Variants in TMEM143 observed in about 807,000 individuals in gnomAD.
TMEM143 encodes transmembrane protein 143.
Under a neutral mutation model 40.3 loss-of-function variants are expected in TMEM143, and 45 were observed. The ratio of observed to expected loss-of-function variants is 1.12; its 90% CI spans 0.88 to 1.43. The LOEUF is 1.43. Ranked by LOEUF, TMEM143 falls within the 40% of genes most tolerant of loss-of-function variation. The pLI is 0.00. For synonymous variants in TMEM143, 299 were observed against 282.7 expected (o/e 1.06, Z -0.58); for missense variants, 620 against 613.4 (o/e 1.01, Z -0.11).
At position 48,333,171 on chromosome 19, in the gene TMEM143, C is replaced by G. The variant is rs750038475; in HGVS notation, c.*48G>C. ...AATTGACAGCCTGTCGTGAAGGAGG[C>G]GGGGCTTAGTTCCTAGCCTGCTGAC... On this transcript the variant is annotated 3_prime_UTR_variant, in exon 8 of 8. Transcript: ENST00000293261. This position sits in a 1 kb window ranked among gnomAD's most constrained non-coding sequence, Gnocchi z 4.1. 1 of 1,337,926 alleles carries G rather than the reference C, an allele frequency of 7.5e-7. No individual in the cohort carries two copies. Among genetic ancestry groups the G allele is most frequent in the Non-Finnish European group, 9.9e-7 (1 of 1,010,790 alleles). 82.9% of individuals were successfully genotyped at this position (1,337,926 alleles called of 1,614,324 possible).
intron 6 of TMEM143, among the ~76,000 whole-genome samples, chr19:48,339,030 C>T (rs1427432099): frequency 2.6e-5 from 4 of 152,158 alleles, no homozygotes; most frequent in East Asian, 3.9e-4. Flanking sequence ...GGCGCAGATT[C>T]GAGGGGAAGG....
chr19:48,335,421 T>A (rs1439968771), intron 6 of TMEM143, among the ~76,000 whole-genome samples: 6 of 151,894 alleles, frequency 4.0e-5, no homozygotes, highest in Non-Finnish European at 5.9e-5. Context: ...CTACAAAAAA[T>A]TAAAATTAAA....
chr19:48,341,940 C>T (rs1969495918), intron 6 of TMEM143, among the ~76,000 whole-genome samples: 1 of 151,886 alleles, frequency 6.6e-6, no homozygotes, highest in Non-Finnish European at 1.5e-5. Context: ...CAAGGCAGAT[C>T]TCGCTATCAT....
At chr19:48,356,113 C>T (rs1405507653) in intron 3 of TMEM143, among the ~76,000 whole-genome samples, 1 of 150,222 alleles carries the variant, frequency 6.7e-6, no homozygotes, top group African/African-American at 2.5e-5. Context: ...TGCCTTTTTC[C>T]TTTTTTTTTC....
Position 48,344,947 on chromosome 19 carries a change from A to G in TMEM143, c.564+213T>C, listed in dbSNP as rs567378413. On this transcript the variant is annotated intron_variant, in intron 4 of 7. Transcript: ENST00000293261. ...GGTCTTGAACTCTTGACCTCAGGTG[A>G]TCCACCCACCTTGGACCCCCAAACT... Among the ~76,000 whole-genome samples the G allele has an allele frequency of 5.3e-5, 8 of 152,276 alleles. No homozygotes were observed. In the East Asian group the frequency reaches 1.5e-3, roughly 29 times the overall value.
At position 48,356,893 on chromosome 19, in the gene TMEM143, C is replaced by CT. The variant is rs150265757; in HGVS notation, c.369+3178dup. Among the ~76,000 whole-genome samples the CT allele has an allele frequency of 2.1e-3, 105 of 50,456 alleles. 8 individuals carry two copies. The highest frequency in any genetic ancestry group is 2.8e-3 in the Non-Finnish European group (80 of 28,126). The allele number at this position is 50,456 out of a possible 152,430, so 33.1% of individuals were successfully genotyped here. On this transcript the variant is annotated intron_variant, in intron 3 of 7. Coordinates refer to ENST00000293261, the MANE Select transcript of TMEM143 (RefSeq NM_018273.4). The stretch of plus-strand genomic sequence containing the variant: ...ACAGGCGTGAGCCACAGCACCTGGC[C>CT]TTTTTTTTTTTTTTTTTTTTTTTTT...
intron 6 of TMEM143, among the ~76,000 whole-genome samples, chr19:48,337,944 A>G (rs1163348237): frequency 1.3e-5 from 2 of 152,174 alleles, no homozygotes; most frequent in Non-Finnish European, 1.5e-5. Flanking sequence ...GCTGAATTCT[A>G]GTTAAAGGAG....
intron 6 of TMEM143, among the ~76,000 whole-genome samples, chr19:48,342,250 G>A (rs1969509254): frequency 7.0e-6 from 1 of 143,516 alleles, no homozygotes; most frequent in Non-Finnish European, 1.5e-5. Flanking sequence ...GGAAGGGGAG[G>A]AGAGAGAGGG....
At position 48,332,627 on chromosome 19, in the gene TMEM143, T is replaced by C. The variant is rs944648673; in HGVS notation, c.*592A>G. 1.3e-5 allele frequency: 2 copies of C among 152,234 alleles called. No individual in the cohort carries two copies. The highest frequency in any genetic ancestry group is 4.8e-5 in the African/African-American group (2 of 41,466). The allele number at this position is 152,234 out of a possible 1,614,324, so 9.4% of individuals were successfully genotyped here. ...GACACCCTGATCAGCAGCTGACCAGTTGGCCTGCCATTTAAGCAGCAGCAA... is the reference window on the plus strand; with the variant it reads ...GACACCCTGATCAGCAGCTGACCAGCTGGCCTGCCATTTAAGCAGCAGCAA... On this transcript the variant is annotated 3_prime_UTR_variant, in exon 8 of 8. Transcript: ENST00000293261.
chr19:48,359,913 A>C lies in TMEM143; in HGVS notation c.369+159T>G. On this transcript the variant is annotated intron_variant, in intron 3 of 7. Transcript: ENST00000293261. ...TTGATTCCTTGTCTCCCCACTTGGA[A>C]TGTTGGCTCCATGAGGGCGTCACTT... 3 of 638,990 alleles carry C rather than the reference A, an allele frequency of 4.7e-6. No individual in the cohort carries two copies. In the Admixed American group the frequency reaches 9.3e-5, roughly 20 times the overall value. 39.6% of individuals were successfully genotyped at this position (638,990 alleles called of 1,614,324 possible). A position where few individuals can be genotyped will look rare whatever the true frequency, so the allele number is the denominator to read the frequency against.
At chr19:48,337,167 C>T (rs1207109475) in intron 6 of TMEM143, among the ~76,000 whole-genome samples, 1 of 152,222 alleles carries the variant, frequency 6.6e-6, no homozygotes, top group Non-Finnish European at 1.5e-5. Flanking sequence ...ACCGGCTGCC[C>T]CTGGTAAGAC....
chr19:48,336,272 C>G (rs1969364467), intron 6 of TMEM143, among the ~76,000 whole-genome samples: 1 of 152,040 alleles, frequency 6.6e-6, no homozygotes, highest in South Asian at 2.1e-4. Flanking sequence ...AATTCTAGCA[C>G]TTTGGGAGGC....
In TMEM143 at chr19:48,334,001, G is replaced by C. The variant is rs775362052; in HGVS notation, c.1165+7C>G. 3.3e-6 allele frequency: 5 copies of C among 1,536,114 alleles called. No individual in the cohort carries two copies. Among genetic ancestry groups the C allele is most frequent in the East Asian group, 4.9e-5 (2 of 40,990 alleles). On this transcript the variant is annotated splice_region_variant and intron_variant, in intron 7 of 7. Transcript: ENST00000293261. ...CCTGGGGGCAGGGTCCCAGGGCCAC[G>C]TCCTACCTTCGGGCGAGCCTTGAGT... is the stretch of plus-strand genomic sequence containing the variant.
chr19:48,335,856 T>A lies in TMEM143; in HGVS notation c.976-1659A>T, dbSNP rs1241000065. ...CTACAGTGAGCCATGATCATACCAC[T>A]GCACTCCAGGCTGGGCAACAGAGTG... On this transcript the variant is annotated intron_variant, in intron 6 of 7. Transcript: ENST00000293261. Among the ~76,000 whole-genome samples, 3 of 152,076 alleles carry A rather than the reference T, an allele frequency of 2.0e-5. No homozygotes were observed. The East Asian group carries it at 5.8e-4, about 29-fold the overall frequency.
At chr19:48,337,407 G>C (rs1569024107) in intron 6 of TMEM143, among the ~76,000 whole-genome samples, 1 of 151,974 alleles carries the variant, frequency 6.6e-6, no homozygotes. Context: ...AATTAGCCAG[G>C]CATGGTGGCG....
Position 48,333,403 on chromosome 19 carries a change from T to C in TMEM143, c.1196A>G (p.Glu399Gly), listed in dbSNP as rs1255813634. 1.9e-6 allele frequency: 3 copies of C among 1,603,308 alleles called. No homozygotes were observed. The highest frequency in any genetic ancestry group is 3.4e-5 in the Admixed American group (2 of 59,198). The change falls in exon 8 of 8, where the codon GAG becomes GGG. Residue 399 changes from glutamate (E) to glycine (G), a missense_variant. Coordinates refer to ENST00000293261, the MANE Select transcript of TMEM143 (RefSeq NM_018273.4). This position sits in a 1 kb window ranked among gnomAD's most constrained non-coding sequence, Gnocchi z 4.1. The stretch of plus-strand genomic sequence containing the variant: ...GCCTGACTTGGCTAGGAGCCAGTTC[T>C]CCACCTCCGACCGGAGCCACCTGGA... ...ETSRWLRSEV[E>G]NWLLAKSGCE... is the part of the protein sequence containing the mutation.
In TMEM143 at chr19:48,350,547, G is replaced by A. The variant is rs1000188953; in HGVS notation, c.370-5193C>T. ...ACCACCCACGTTCAGCTCCCAGAGC[G>A]CACGATGCAGGCCCAGTTTCACTCC... On this transcript the variant is annotated intron_variant, in intron 3 of 7. Transcript: ENST00000293261. Among the ~76,000 whole-genome samples, 16 of 152,156 alleles carry A rather than the reference G, an allele frequency of 1.1e-4. No homozygotes were observed. In the South Asian group the frequency reaches 2.1e-3, roughly 20 times the overall value.
intron 6 of TMEM143, among the ~76,000 whole-genome samples, chr19:48,337,864 A>G (rs1453292262): frequency 6.6e-6 from 1 of 152,164 alleles, no homozygotes; most frequent in African/African-American, 2.4e-5. Flanking sequence ...ATGCAGGAAT[A>G]GCATGCGTTA....
chr19:48,350,219 G>A (rs1391421263), intron 3 of TMEM143, among the ~76,000 whole-genome samples: 1 of 151,016 alleles, frequency 6.6e-6, no homozygotes, highest in South Asian at 2.1e-4. Context: ...CACTATGTTG[G>A]CCAGGCTGGT....
Sources: allele counts gnomAD v4.1 joint callset (sites outside exome capture counted in the v4.1 genomes callset), GRCh38; gene constraint gnomAD v4.1.1; non-coding constraint Gnocchi (gnomAD v3.1); transcripts MANE v1.5; gene names NCBI Gene and HGNC (gene_info 2026-07-23, HGNC 2026-07-21).